CADPS2: variants seen among roughly 807,000 people sequenced by gnomAD.
The protein encoded by CADPS2 is calcium dependent secretion activator 2, also known as calcium-dependent secretion activator 2.
CADPS2 carries 93 observed loss-of-function variants against 172.5 expected under a neutral mutation model. The ratio of observed to expected loss-of-function variants is 0.54; its 90% CI spans 0.46 to 0.64. CADPS2 has a LOEUF of 0.64. Among genes scored for constraint, CADPS2 ranks in the 30% least tolerant of loss-of-function variants. CADPS2 has a pLI of 0.00. For synonymous variants in CADPS2, 546 were observed against 555.2 expected (o/e 0.98, Z 0.23); for missense variants, 1,420 against 1,565.9 (o/e 0.91, Z 1.57).
At chr7:122,681,745 TAAAAG>T (rs2083071570) in intron 2 of CADPS2, 1 of 524,994 alleles carries the variant, frequency 1.9e-6, no homozygotes, top group African/African-American at 2.1e-5. Context: ...ATAATAATAA[TAAAAG>T]AAAGAAAAAA....
intron 7 of CADPS2, among the ~76,000 whole-genome samples, chr7:122,556,354 C>T (rs1243064496): frequency 6.6e-6 from 1 of 152,022 alleles, no homozygotes; most frequent in African/African-American, 2.4e-5. Flanking sequence ...TGCTATTTTC[C>T]TAATAAGTCT....
intron 2 of CADPS2, among the ~76,000 whole-genome samples, chr7:122,670,177 C>CAT (rs112642504): frequency 0.21 from 32,338 of 151,312 alleles, 3,748 homozygotes; most frequent in Non-Finnish European, 0.26. Flanking sequence ...TGTCAATTGG[C>CAT]ATATATATAT....
At chr7:122,566,323 G>T (rs1454106288) in intron 7 of CADPS2, among the ~76,000 whole-genome samples, 1 of 152,060 alleles carries the variant, frequency 6.6e-6, no homozygotes, top group Non-Finnish European at 1.5e-5. Context: ...GTAGGAATGT[G>T]CATTAATATA....
chr7:122,886,372 C>A lies in CADPS2; in HGVS notation c.-35G>T. 1 of 1,482,888 alleles carries A rather than the reference C, an allele frequency of 6.7e-7. No individual in the cohort carries two copies. The highest frequency in any genetic ancestry group is 1.5e-5 in the African/African-American group (1 of 68,298). 91.9% of individuals were successfully genotyped at this position (1,482,888 alleles called of 1,614,324 possible). A position where few individuals can be genotyped will look rare whatever the true frequency, so the allele number is the denominator to read the frequency against. Reference sequence around the variant, plus strand: ...GGATCCCCGCCGCTCGGCCCGCGGTCCCCAAGCGCCTCACCCCCGGCGGCT... The same window carrying A: ...GGATCCCCGCCGCTCGGCCCGCGGTACCCAAGCGCCTCACCCCCGGCGGCT... On this transcript the variant is annotated 5_prime_UTR_variant, in exon 1 of 30. Coordinates refer to ENST00000449022, the MANE Select transcript of CADPS2 (RefSeq NM_017954.11).
intron 1 of CADPS2, among the ~76,000 whole-genome samples, chr7:122,783,111 G>A (rs1179535126): frequency 1.3e-5 from 2 of 151,242 alleles, no homozygotes; most frequent in African/African-American, 2.4e-5. Context: ...AGCTACTCGG[G>A]AGGCTGAGGC....
intron 1 of CADPS2, among the ~76,000 whole-genome samples, chr7:122,746,255 A>T (rs1248862112): frequency 6.6e-6 from 1 of 152,212 alleles, no homozygotes; most frequent in Non-Finnish European, 1.5e-5. Context: ...GTGCTGTCCA[A>T]CACAGTGGTC....
chr7:122,691,257 T>C (rs934424646), intron 2 of CADPS2, among the ~76,000 whole-genome samples: 1 of 152,138 alleles, frequency 6.6e-6, no homozygotes, highest in South Asian at 2.1e-4. Flanking sequence ...TACTAACTGC[T>C]TTCCCAGTCC....
At chr7:122,554,507 A>C (rs1157344158) in intron 8 of CADPS2, 43 bp downstream of exon 8, 1 of 1,535,582 alleles carries the variant, frequency 6.5e-7, no homozygotes, top group African/African-American at 1.4e-5. Context: ...CACTGAAATG[A>C]AATTCAATAA....
chr7:122,551,797 C>T (rs973325205), intron 8 of CADPS2, among the ~76,000 whole-genome samples: 8 of 152,072 alleles, frequency 5.3e-5, no homozygotes, highest in Non-Finnish European at 7.4e-5. Context: ...TGACAAAACA[C>T]GATCCAGGCC....
rs1176121693 is a variant in CADPS2 at position 122,527,611 on chromosome 7, AGAGAGAGTGTGT to A, written c.1476-14308_1476-14297del. ...GAGAGAGAGAGAGAGAGAGAGAGAGAGAGAGAGTGTGTGTGTGTGTGTGTGTGTGTGTGTGTG... is the reference window on the plus strand; with the variant it reads ...GAGAGAGAGAGAGAGAGAGAGAGAGAGTGTGTGTGTGTGTGTGTGTGTGTG... On this transcript the variant is annotated intron_variant, in intron 8 of 29. Coordinates refer to ENST00000449022, the MANE Select transcript of CADPS2 (RefSeq NM_017954.11). 1.8e-3 allele frequency among the ~76,000 whole-genome samples: 194 copies of A among 110,780 alleles called. 1 individual carries two copies. The highest frequency in any genetic ancestry group is 6.0e-3 in the African/African-American group (178 of 29,600). 72.7% of individuals were successfully genotyped at this position (110,780 alleles called of 152,430 possible).
At chr7:122,654,242 A>T (rs1205498719) in intron 3 of CADPS2, among the ~76,000 whole-genome samples, 1 of 152,242 alleles carries the variant, frequency 6.6e-6, no homozygotes, top group Non-Finnish European at 1.5e-5. Context: ...TAGAAGCTGC[A>T]GTAAGTTATC....
chr7:122,548,998 G>C (rs922399019), intron 8 of CADPS2, among the ~76,000 whole-genome samples: 8 of 152,240 alleles, frequency 5.3e-5, no homozygotes, highest in Non-Finnish European at 1.0e-4. Flanking sequence ...GGATATAACT[G>C]TTATACTCTC....
At chr7:122,751,993 A>T (rs1233593359) in intron 1 of CADPS2, among the ~76,000 whole-genome samples, 1 of 152,136 alleles carries the variant, frequency 6.6e-6, no homozygotes, top group African/African-American at 2.4e-5. Context: ...TCCCATTAGC[A>T]TTTAGAAGCA....
At chr7:122,515,880 A>G (rs2060331905) in intron 8 of CADPS2, among the ~76,000 whole-genome samples, 1 of 151,896 alleles carries the variant, frequency 6.6e-6, no homozygotes, top group Non-Finnish European at 1.5e-5. Context: ...GCTTTCTTTC[A>G]CCTGACATTT....
intron 11 of CADPS2, among the ~76,000 whole-genome samples, chr7:122,481,867 T>C (rs1768278345): frequency 6.6e-6 from 1 of 151,826 alleles, no homozygotes; most frequent in South Asian, 2.1e-4. Context: ...AAAAATTAGG[T>C]GGGTGTGGTG....
intron 25 of CADPS2, among the ~76,000 whole-genome samples, chr7:122,377,913 G>A (rs2042543467): frequency 6.6e-6 from 1 of 152,032 alleles, no homozygotes; most frequent in Non-Finnish European, 1.5e-5. Context: ...GACATGCCAT[G>A]AGATAATTTG....
chr7:122,631,402 A>G (rs2076563176), intron 3 of CADPS2, among the ~76,000 whole-genome samples: 1 of 152,130 alleles, frequency 6.6e-6, no homozygotes, highest in African/African-American at 2.4e-5. Context: ...AGTTATTTCT[A>G]AATTTTGGTA....
chr7:122,593,617 T>C (rs1056670040), intron 6 of CADPS2, among the ~76,000 whole-genome samples: 1 of 152,078 alleles, frequency 6.6e-6, no homozygotes, highest in Non-Finnish European at 1.5e-5. Flanking sequence ...TCCATATTAG[T>C]ACTGCTTTAG....
chr7:122,848,100 T>G (rs932017098), intron 1 of CADPS2, among the ~76,000 whole-genome samples: 1 of 152,254 alleles, frequency 6.6e-6, no homozygotes, highest in African/African-American at 2.4e-5. Context: ...ATTTTGCCTA[T>G]AGCTAATGTC....
Sources: allele counts gnomAD v4.1 joint callset (sites outside exome capture counted in the v4.1 genomes callset), GRCh38; gene constraint gnomAD v4.1.1; transcripts MANE v1.5; gene names NCBI Gene and HGNC (gene_info 2026-07-23, HGNC 2026-07-21).